Variants in NELL2 observed in about 807,000 individuals in gnomAD.
NELL2 encodes the protein neural EGFL like 2.
In NELL2, 41 loss-of-function variants were observed where a neutral mutation model predicts 109.6. That is an observed-to-expected ratio of 0.37 (90% confidence interval 0.29 to 0.49). The LOEUF is 0.49. Among genes scored for constraint, NELL2 ranks in the 20% least tolerant of loss-of-function variants. NELL2 has a pLI of 0.98. For synonymous variants in NELL2, 355 were observed against 344.7 expected (o/e 1.03, Z -0.33); for missense variants, 900 against 1,008.3 (o/e 0.89, Z 1.45).
intron 11 of NELL2, among the ~76,000 whole-genome samples, chr12:44,710,106 A>T (rs1938115267): frequency 6.6e-6 from 1 of 152,210 alleles, no homozygotes; most frequent in Admixed American, 6.6e-5. Context: ...TATTGAGTGG[A>T]TGGAAAAGTA....
At chr12:44,549,555 G>A (rs995948242) in intron 15 of NELL2, among the ~76,000 whole-genome samples, 2 of 152,072 alleles carry the variant, frequency 1.3e-5, no homozygotes, top group Non-Finnish European at 2.9e-5. Flanking sequence ...AACTAGTAAA[G>A]GAATTGAGTA....
intron 3 of NELL2, among the ~76,000 whole-genome samples, chr12:44,798,669 A>G (rs1001714444): frequency 6.6e-6 from 1 of 152,152 alleles, no homozygotes; most frequent in Non-Finnish European, 1.5e-5. Context: ...TATATCTAAC[A>G]TAATCTTGAA....
At chr12:44,766,740 T>C (rs984121370) in intron 9 of NELL2, among the ~76,000 whole-genome samples, 1 of 152,180 alleles carries the variant, frequency 6.6e-6, no homozygotes, top group African/African-American at 2.4e-5. Context: ...ACTAGCCTTC[T>C]GATCACCTAA....
chr12:44,876,372 G>A (rs1379320552), upstream of NELL2: 24 of 1,224,004 alleles, frequency 2.0e-5, no homozygotes, highest in Non-Finnish European at 2.5e-5. Context: ...GGAGGGGCGG[G>A]CCGGGGGAGG....
intron 3 of NELL2, among the ~76,000 whole-genome samples, chr12:44,787,581 A>G (rs1037216806): frequency 1.3e-5 from 2 of 152,194 alleles, no homozygotes; most frequent in African/African-American, 4.8e-5. Flanking sequence ...AGTAATCAAT[A>G]CTGTGTAGTA....
At chr12:44,772,681 A>G (rs986509456) in intron 9 of NELL2, among the ~76,000 whole-genome samples, 7 of 152,170 alleles carry the variant, frequency 4.6e-5, no homozygotes, top group Non-Finnish European at 8.8e-5. Flanking sequence ...AACCCTCTCT[A>G]TTCCTCTCTA....
intron 12 of NELL2, among the ~76,000 whole-genome samples, chr12:44,669,876 T>C (rs1458716509): frequency 6.6e-6 from 1 of 152,170 alleles, no homozygotes; most frequent in African/African-American, 2.4e-5. Flanking sequence ...TTCCCAACTC[T>C]AAACATCCAG....
intron 9 of NELL2, among the ~76,000 whole-genome samples, chr12:44,727,335 T>C (rs1816692007): frequency 6.6e-6 from 1 of 152,040 alleles, no homozygotes; most frequent in Non-Finnish European, 1.5e-5. Flanking sequence ...CTCATCCAAC[T>C]AGTCAATTTA....
Position 44,869,223 on chromosome 12 carries a change from A to C in NELL2, c.184+6002T>G, listed in dbSNP as rs552581079. 2.0e-5 allele frequency among the ~76,000 whole-genome samples: 3 copies of C among 150,722 alleles called. No individual in the cohort carries two copies. In the East Asian group the frequency reaches 6.1e-4, roughly 31 times the overall value. The stretch of plus-strand genomic sequence containing the variant: ...TCTCATTCAAAAAGGGAGAAAATGG[A>C]AGAAAGAAAAAAAAACAATTGCCAT... On this transcript the variant is annotated intron_variant, in intron 2 of 19. Coordinates refer to ENST00000429094, the MANE Select transcript of NELL2 (RefSeq NM_001145108.2).
chr12:44,887,254 C>T (rs1397551589), intron 1 of NELL2, among the ~76,000 whole-genome samples: 5 of 152,014 alleles, frequency 3.3e-5, no homozygotes, highest in African/African-American at 4.8e-5. Context: ...TGGGCTTAAG[C>T]GAACTTCCTG....
chr12:44,915,025 A>AT (rs35647204), upstream of NELL2, among the ~76,000 whole-genome samples: 1 of 146,428 alleles, frequency 6.8e-6, no homozygotes, highest in Admixed American at 6.6e-5. Context: ...AATTTTTTGT[A>AT]TTTTTTTAGT....
At chr12:44,878,023 G>A (rs149832143), upstream of NELL2, among the ~76,000 whole-genome samples, 14 of 152,156 alleles carry the variant, frequency 9.2e-5, no homozygotes, top group African/African-American at 3.1e-4. Flanking sequence ...TTTAAATAAC[G>A]TAGCATTTAA....
chr12:44,752,033 C>T (rs1319640279), intron 9 of NELL2, among the ~76,000 whole-genome samples: 1 of 152,104 alleles, frequency 6.6e-6, no homozygotes, highest in South Asian at 2.1e-4. Flanking sequence ...ACATTCAAAG[C>T]CATCCTGGGC....
chr12:44,571,582 C>T (rs1322916436), intron 15 of NELL2, among the ~76,000 whole-genome samples: 1 of 152,210 alleles, frequency 6.6e-6, no homozygotes, highest in Non-Finnish European at 1.5e-5. Flanking sequence ...GTTCTTGCCA[C>T]ATCGTAGGCA....
At chr12:44,523,123 A>C (rs1254074298) in intron 17 of NELL2, 168 bp downstream of exon 17, 1 of 715,670 alleles carries the variant, frequency 1.4e-6, no homozygotes, top group African/African-American at 1.8e-5. Context: ...ACTAACTAGG[A>C]AAGAACATAG....
chr12:44,675,540 A>G (rs1948279063), intron 12 of NELL2, among the ~76,000 whole-genome samples: 1 of 152,154 alleles, frequency 6.6e-6, no homozygotes. Context: ...CTTTTATCCT[A>G]TTTGAAAGAT....
intron 13 of NELL2, among the ~76,000 whole-genome samples, chr12:44,658,314 G>A (rs1460464983): frequency 6.6e-6 from 1 of 152,100 alleles, no homozygotes; most frequent in Non-Finnish European, 1.5e-5. Context: ...TAGACAAACA[G>A]CCAAATCATG....
chr12:44,803,847 A>G (rs1239925309), intron 3 of NELL2, among the ~76,000 whole-genome samples: 1 of 151,992 alleles, frequency 6.6e-6, no homozygotes, highest in African/African-American at 2.4e-5. Flanking sequence ...CTCAAAAATT[A>G]GTAAATTTTA....
chr12:44,807,290 TATTTA>T (rs1464778335), intron 3 of NELL2, among the ~76,000 whole-genome samples: 1 of 150,918 alleles, frequency 6.6e-6, no homozygotes, highest in Non-Finnish European at 1.5e-5. Flanking sequence ...TAAAACATTA[TATTTA>T]ATAGGAATTT....
Sources: allele counts gnomAD v4.1 joint callset (sites outside exome capture counted in the v4.1 genomes callset), GRCh38; gene constraint gnomAD v4.1.1; transcripts MANE v1.5; gene names NCBI Gene and HGNC (gene_info 2026-07-23, HGNC 2026-07-21).